CLDN16: variants seen among roughly 807,000 people sequenced by gnomAD.
CLDN16 encodes the protein claudin 16.
A neutral mutation model predicts 24.6 loss-of-function variants in CLDN16; 13 were observed. The ratio of observed to expected loss-of-function variants is 0.53; its 90% confidence interval spans 0.34 to 0.84. The LOEUF is 0.84. CLDN16 is among the 40% of genes least tolerant of loss of function. The probability of loss-of-function intolerance (pLI) is 0.01; values close to 1 mark genes in which losing one functional copy is unlikely to be tolerated. For missense variants in CLDN16, 298 were observed against 292.7 expected, an observed-to-expected ratio of 1.02 and a Z score of -0.13; for synonymous variants, 116 against 106.7, an observed-to-expected ratio of 1.09 and a Z score of -0.54.
intron 1 of CLDN16, among the ~76,000 whole-genome samples, chr3:190,343,924 G>T (rs953734612): frequency 6.6e-6 from 1 of 152,010 alleles, no homozygotes; most frequent in Non-Finnish European, 1.5e-5. Flanking sequence ...AAATAATAAT[G>T]TACTGTAGTC....
chr3:190,313,094 G>T, the CLDN16 span: 2 of 1,590,384 alleles, frequency 1.3e-6, no homozygotes, highest in Non-Finnish European at 1.7e-6. Context: ...AGAGAAAAAT[G>T]GAAGAAGACC....
chr3:190,339,682 C>A lies in CLDN16; in HGVS notation n.121+17021C>A, dbSNP rs533763713. On this transcript the variant is annotated intron_variant and non_coding_transcript_variant, in intron 1 of 4. Coordinates refer to the CLDN16 transcript ENST00000468220. ...TCCTAACCTCCTGCAAGAATTGAAA[C>A]CACATATACTGCCTTAAAAACTCAT... 1.3e-4 allele frequency among the ~76,000 whole-genome samples: 20 copies of A among 152,228 alleles called. 1 individual carries two copies. In the South Asian group the frequency reaches 4.1e-3, roughly 32 times the overall value.
chr3:190,338,166 T>C (rs1479523104), intron 1 of CLDN16, among the ~76,000 whole-genome samples: 1 of 152,168 alleles, frequency 6.6e-6, no homozygotes, highest in East Asian at 1.9e-4. Context: ...AGATGTTGTA[T>C]TGCCTGTCTA....
chr3:190,362,300 A>T lies in CLDN16; in HGVS notation n.122-8593A>T, dbSNP rs149081823. 1.4e-3 allele frequency among the ~76,000 whole-genome samples: 210 copies of T among 151,944 alleles called. 2 individuals are homozygous for T. The highest frequency in any genetic ancestry group is 4.8e-3 in the African/African-American group (199 of 41,508). On this transcript the variant is annotated intron_variant and non_coding_transcript_variant, in intron 1 of 4. Transcript: ENST00000468220. ...TGCTTGAGATATTTTGCAGACCCTC[A>T]TTCCATCGAACAGCTGACACCACCC...
At chr3:190,383,933 T>G (rs1718427069), upstream of CLDN16, among the ~76,000 whole-genome samples, 1 of 152,172 alleles carries the variant, frequency 6.6e-6, no homozygotes, top group African/African-American at 2.4e-5. Context: ...CATTAAGACC[T>G]TTACAAACGT....
chr3:190,328,969 G>A (rs1440263322), intron 1 of CLDN16, among the ~76,000 whole-genome samples: 1 of 152,074 alleles, frequency 6.6e-6, no homozygotes, highest in African/African-American at 2.4e-5. Context: ...GGGCCCTGTA[G>A]GCATTTGGTG....
the CLDN16 span, among the ~76,000 whole-genome samples, chr3:190,296,220 T>A: frequency 6.6e-6 from 1 of 152,352 alleles, no homozygotes; most frequent in Admixed American, 6.5e-5. Flanking sequence ...TTATAAAGCA[T>A]TCATTCTCAT....
chr3:190,347,183 T>C (rs1306718826), intron 1 of CLDN16, among the ~76,000 whole-genome samples: 5 of 152,140 alleles, frequency 3.3e-5, no homozygotes, highest in Non-Finnish European at 7.3e-5. Context: ...TGCAGAGCCA[T>C]GATGATGGTG....
At chr3:190,408,582 A>T (rs973393854) in intron 4 of CLDN16, 77 bp downstream of exon 4, 11 of 1,365,352 alleles carry the variant, frequency 8.1e-6, no homozygotes, top group African/African-American at 1.5e-5. Flanking sequence ...AAATTTCAAA[A>T]GGAAAAAAAT....
At chr3:190,391,684 G>T (rs1019725633) in intron 1 of CLDN16, among the ~76,000 whole-genome samples, 5 of 152,132 alleles carry the variant, frequency 3.3e-5, no homozygotes, top group Admixed American at 3.3e-4. Context: ...ACTAAAGTGG[G>T]CAACACAAAG....
rs967573821 is a variant in CLDN16, at chr3:190,388,380, T to C, written c.51T>C (p.Ala17=). The C allele has an allele frequency of 1.1e-5, 17 of 1,614,130 alleles. No homozygotes were observed. The highest frequency in any genetic ancestry group is 1.4e-5 in the Non-Finnish European group (17 of 1,180,012). Residue 17 remains alanine (A), a synonymous_variant, in exon 1 of 5, where the codon GCT becomes GCC. Transcript: ENST00000264734. ...YIACFFAFFS[A]GFLIVATWTD... is the part of the protein sequence containing the mutation. Reference sequence around the variant, plus strand: ...CTTGCTTCTTTGCCTTTTTCTCTGCTGGGTTTTTGATTGTGGCCACCTGGA... The same window carrying C: ...CTTGCTTCTTTGCCTTTTTCTCTGCCGGGTTTTTGATTGTGGCCACCTGGA...
the CLDN16 span, among the ~76,000 whole-genome samples, chr3:190,292,417 G>T: frequency 6.6e-6 from 1 of 152,170 alleles, no homozygotes; most frequent in Non-Finnish European, 1.5e-5. Context: ...ATGGCCCTGA[G>T]CCCAGCCCAT....
chr3:190,368,185 C>T (rs1007466802), intron 1 of CLDN16, among the ~76,000 whole-genome samples: 8 of 151,980 alleles, frequency 5.3e-5, no homozygotes, highest in Admixed American at 4.6e-4. Context: ...TGATCTGTTA[C>T]TTCTGAGATT....
the CLDN16 span, among the ~76,000 whole-genome samples, chr3:190,299,538 TATTTTTTCTGA>T: frequency 7.9e-6 from 1 of 126,534 alleles, no homozygotes; most frequent in Non-Finnish European, 1.7e-5. Flanking sequence ...TATTCTTCTG[TATTTTTTCTGA>T]ATTTTTTTTA....
At chr3:190,383,292 C>G (rs145368979), upstream of CLDN16, among the ~76,000 whole-genome samples, 392 of 152,220 alleles carry the variant, frequency 2.6e-3, 1 homozygote, top group African/African-American at 9.0e-3. Flanking sequence ...GGGGCAGACA[C>G]TGGGAGTTCT....
intron 1 of CLDN16, among the ~76,000 whole-genome samples, chr3:190,348,121 G>A (rs907789519): frequency 2.6e-5 from 4 of 151,026 alleles, no homozygotes; most frequent in Admixed American, 2.0e-4. Context: ...CTGGCACGGT[G>A]GCACTTGCCT....
chr3:190,311,792 TAC>T, the CLDN16 span, among the ~76,000 whole-genome samples: 1 of 151,440 alleles, frequency 6.6e-6, no homozygotes, highest in Non-Finnish European at 1.5e-5. Context: ...TATGTACATA[TAC>T]ACACGTAAGT....
chr3:190,401,219 A>G (rs999945599), intron 1 of CLDN16, among the ~76,000 whole-genome samples: 1 of 74,196 alleles, frequency 1.3e-5, no homozygotes, highest in Non-Finnish European at 2.6e-5. Context: ...TGGGGCAGAG[A>G]GTTTCATAGT....
At chr3:190,330,473 ATTAGATAAGTTAC>A (rs1717159697) in intron 1 of CLDN16, among the ~76,000 whole-genome samples, 1 of 152,210 alleles carries the variant, frequency 6.6e-6, no homozygotes, top group Non-Finnish European at 1.5e-5. Context: ...GCTGTGTGAT[ATTAGATAAGTTAC>A]TTATCATCCT....
Sources: gnomAD v4.1 joint callset for allele counts (sites outside exome capture counted in the v4.1 genomes callset) on GRCh38, gnomAD v4.1.1 for gene constraint, MANE v1.5 for transcripts, NCBI Gene and HGNC (gene_info 2026-07-23, HGNC 2026-07-21) for gene names.